CAMTA1: variants seen among roughly 807,000 people sequenced by gnomAD.
The protein encoded by CAMTA1 is calmodulin binding transcription activator 1, also known as calmodulin-binding transcription activator 1.
A neutral mutation model predicts 170.9 loss-of-function variants in CAMTA1; 27 were observed. That is an observed-to-expected ratio of 0.16 (90% CI 0.12 to 0.22). CAMTA1 has a LOEUF of 0.22. CAMTA1 is among the 10% of genes least tolerant of loss of function. CAMTA1 has a pLI of 1.00. For synonymous variants in CAMTA1, 833 were observed against 891.5 expected (o/e 0.93, Z 1.17); for missense variants, 1,619 against 2,217.2 (o/e 0.73, Z 5.42).
rs77181518 is a variant in CAMTA1 at position 6,959,098 on chromosome 1, C to A, written c.235-132206C>A. Among the ~76,000 whole-genome samples, 713 of 152,304 alleles carry A rather than the reference C, an allele frequency of 4.7e-3. 3 individuals are homozygous for A. The highest frequency in any genetic ancestry group is 0.016 in the African/African-American group (684 of 41,548). ...ATTTTGGCAGAGTCCTTGCTGCCGA[C>A]AATTCAAAAATAACATCAGCAATTC... On this transcript the variant is annotated intron_variant, in intron 3 of 22. Transcript: ENST00000303635.
rs1376919598 is a variant in CAMTA1, at chr1:7,580,157, G to T, written c.511-60243G>T. On this transcript the variant is annotated intron_variant, in intron 6 of 22. Coordinates refer to ENST00000303635, the MANE Select transcript of CAMTA1 (RefSeq NM_015215.4). The surrounding 1 kb of genome is among the most constrained non-coding windows in gnomAD (Gnocchi z 4.3). ...GGGCTCACAGTCCGAGAGGACACTG[G>T]TATGTGAACTGAGGCAGCGGGAAGA... Among the ~76,000 whole-genome samples the T allele has an allele frequency of 6.6e-6, 1 of 152,260 alleles. No homozygotes were observed. Among genetic ancestry groups the T allele is most frequent in the African/African-American group, 2.4e-5 (1 of 41,480 alleles).
intron 3 of CAMTA1, among the ~76,000 whole-genome samples, chr1:7,003,776 C>T (rs1698583813): frequency 6.6e-6 from 1 of 152,132 alleles, no homozygotes; most frequent in Admixed American, 6.5e-5. Flanking sequence ...CCCATGTTAT[C>T]ATAGGCCAGG....
intron 6 of CAMTA1, 102 bp from the exon 7 acceptor site, chr1:7,640,298 C>T (rs2095750804): frequency 2.3e-6 from 3 of 1,309,334 alleles, no homozygotes; most frequent in South Asian, 1.3e-5. Context: ...AGCCGGGTGT[C>T]TGGGGCCTCA....
chr1:7,099,465 T>A (rs1642466688), intron 4 of CAMTA1, among the ~76,000 whole-genome samples: 1 of 152,212 alleles, frequency 6.6e-6, no homozygotes, highest in Non-Finnish European at 1.5e-5. Flanking sequence ...CAATCCTGTT[T>A]CCCAGGGGCG....
chr1:7,258,244 T>G (rs1667696573), intron 5 of CAMTA1, among the ~76,000 whole-genome samples: 1 of 152,252 alleles, frequency 6.6e-6, no homozygotes, highest in Non-Finnish European at 1.5e-5. Context: ...CTTGTATCTC[T>G]GGTAGATGAC....
intron 4 of CAMTA1, among the ~76,000 whole-genome samples, chr1:7,143,689 G>A (rs1646017950): frequency 6.6e-6 from 1 of 152,144 alleles, no homozygotes; most frequent in African/African-American, 2.4e-5. Flanking sequence ...GAACTACTCA[G>A]CTATATAGCA....
intron 1 of CAMTA1, among the ~76,000 whole-genome samples, chr1:6,799,762 G>T (rs565032349): frequency 2.6e-5 from 4 of 152,116 alleles, no homozygotes; most frequent in Admixed American, 2.6e-4. Flanking sequence ...AATAAAAGTT[G>T]TGTGAATGTG....
chr1:6,893,535 C>G (rs573286931), intron 3 of CAMTA1, among the ~76,000 whole-genome samples: 41 of 152,342 alleles, frequency 2.7e-4, no homozygotes, highest in African/African-American at 9.9e-4. Context: ...AACCACTGAT[C>G]TGAGATCATC....
chr1:7,017,139 G>T (rs577282522), intron 3 of CAMTA1, among the ~76,000 whole-genome samples: 10 of 152,280 alleles, frequency 6.6e-5, no homozygotes, highest in African/African-American at 2.4e-4. Context: ...AGTCCCAGTT[G>T]TTTCATTTCT....
chr1:7,739,877 G>C (rs538114713), intron 16 of CAMTA1, among the ~76,000 whole-genome samples: 2 of 152,100 alleles, frequency 1.3e-5, no homozygotes, highest in East Asian at 3.9e-4. Flanking sequence ...CAACACATGG[G>C]AATTATGGGA....
chr1:7,366,459 G>C (rs1319738718), intron 5 of CAMTA1, among the ~76,000 whole-genome samples: 1 of 152,230 alleles, frequency 6.6e-6, no homozygotes, highest in Non-Finnish European at 1.5e-5. Flanking sequence ...CTGATGCTGG[G>C]TGAGTGTGCA....
intron 18 of CAMTA1, among the ~76,000 whole-genome samples, chr1:7,746,627 A>G (rs554729808): frequency 1.3e-3 from 197 of 152,242 alleles, no homozygotes; most frequent in African/African-American, 4.5e-3. Flanking sequence ...GCACAGAACA[A>G]TGCTGATTTT....
At chr1:7,388,542 A>C (rs932613810) in intron 5 of CAMTA1, 16 of 152,318 alleles carry the variant, frequency 1.1e-4, no homozygotes, top group African/African-American at 3.9e-4. Flanking sequence ...TCCTGGAAGG[A>C]AATGTTCAGG....
chr1:6,997,662 T>TTTTTC (rs1553211536), intron 3 of CAMTA1, among the ~76,000 whole-genome samples: 6 of 144,784 alleles, frequency 4.1e-5, no homozygotes, highest in African/African-American at 1.5e-4. Context: ...TTTTCTTTCT[T>TTTTTC]TTTTTTTTTT....
At position 7,290,315 on chromosome 1, in the gene CAMTA1, A is replaced by G. The variant is rs546987461; in HGVS notation, c.438+40689A>G. 3.9e-5 allele frequency among the ~76,000 whole-genome samples: 6 copies of G among 152,314 alleles called. No homozygotes were observed. The East Asian group carries it at 1.2e-3, about 29-fold the overall frequency. ...TATTCAGTCCCTCTGGATTTAGGTG[A>G]TGAAAACACCATGTTCTCTTTCCTT... On this transcript the variant is annotated intron_variant, in intron 5 of 22. Transcript: ENST00000303635.
At chr1:6,838,995 G>C (rs938696444) in intron 3 of CAMTA1, among the ~76,000 whole-genome samples, 1 of 152,090 alleles carries the variant, frequency 6.6e-6, no homozygotes, top group Non-Finnish European at 1.5e-5. Flanking sequence ...GGCCTCAAAT[G>C]ATCCTCTTGC....
intron 3 of CAMTA1, among the ~76,000 whole-genome samples, chr1:6,905,952 A>G (rs1678370605): frequency 6.6e-6 from 1 of 152,058 alleles, no homozygotes; most frequent in African/African-American, 2.4e-5. Context: ...TGCAGCTCCC[A>G]CACACGCCTC....
At chr1:7,022,068 G>T (rs893110145) in intron 3 of CAMTA1, among the ~76,000 whole-genome samples, 10 of 152,200 alleles carry the variant, frequency 6.6e-5, no homozygotes, top group Non-Finnish European at 1.3e-4. Flanking sequence ...TCTCCCGAGC[G>T]TGACTCCCCT....
chr1:7,128,816 G>A (rs1645078103), intron 4 of CAMTA1, among the ~76,000 whole-genome samples: 1 of 136,130 alleles, frequency 7.3e-6, no homozygotes, highest in Non-Finnish European at 1.5e-5. Context: ...CACCACACCC[G>A]ATTAGCTCCC....
Sources: allele counts gnomAD v4.1 joint callset (sites outside exome capture counted in the v4.1 genomes callset), GRCh38; gene constraint gnomAD v4.1.1; non-coding constraint Gnocchi (gnomAD v3.1); transcripts MANE v1.5; gene names NCBI Gene and HGNC (gene_info 2026-07-23, HGNC 2026-07-21).